Variants in SNX13 observed in about 807,000 individuals in gnomAD.
The protein encoded by SNX13 is sorting nexin 13.
SNX13 carries 45 observed loss-of-function variants against 133.6 expected under a neutral mutation model. That is an observed-to-expected ratio of 0.34 (90% CI 0.27 to 0.43). SNX13 has a LOEUF of 0.43. Ranked by LOEUF, SNX13 falls within the 20% of genes least tolerant of loss-of-function variation. SNX13 has a pLI of 1.00. For missense variants in SNX13, 1,032 were observed against 1,145.1 expected (o/e 0.90, Z 1.43); for synonymous variants, 414 against 373.9 (o/e 1.11, Z -1.24).
At chr7:17,882,897 G>C in intron 5 of SNX13, 2 of 1,234,712 alleles carry the variant, frequency 1.6e-6, no homozygotes, top group Non-Finnish European at 2.1e-6. Context: ...GTTGCAGTGA[G>C]CCGAGATTGC....
rs1783752748 is a variant in SNX13 at position 17,793,616 on chromosome 7, A to T, written c.*429T>A. The T allele has an allele frequency of 6.5e-6, 1 of 154,064 alleles. No individual in the cohort carries two copies. Among genetic ancestry groups the T allele is most frequent in the African/African-American group, 2.4e-5 (1 of 41,448 alleles). 9.5% of individuals were successfully genotyped at this position (154,064 alleles called of 1,614,324 possible). On this transcript the variant is annotated 3_prime_UTR_variant, in exon 26 of 26. Coordinates refer to ENST00000428135, the MANE Select transcript of SNX13 (RefSeq NM_015132.5). ...GACAGACCTACAAAATCATTATGCC[A>T]AACAAACTCCTCCAAGTCGTACATT...
chr7:17,933,152 T>C (rs902561976), intron 1 of SNX13, among the ~76,000 whole-genome samples: 7 of 152,220 alleles, frequency 4.6e-5, no homozygotes, highest in South Asian at 2.1e-4. Context: ...TGATTAAAAA[T>C]AAAAGATTTT....
At chr7:17,940,178 CG>C in intron 1 of SNX13, 105 bp downstream of exon 1, 4 of 1,464,174 alleles carry the variant, frequency 2.7e-6, no homozygotes, top group Non-Finnish European at 3.7e-6. Flanking sequence ...CTGGAGCCCA[CG>C]GCGAAGGGTC....
At chr7:17,845,872 A>T (rs1391785696) in intron 11 of SNX13, among the ~76,000 whole-genome samples, 178 bp from the exon 12 acceptor site, 1 of 152,166 alleles carries the variant, frequency 6.6e-6, no homozygotes, top group Admixed American at 6.5e-5. Context: ...CCTAGTTAAG[A>T]GTTGCTTAGC....
At chr7:17,798,909 GA>G in intron 23 of SNX13, 99 bp downstream of exon 23, 6 of 1,407,972 alleles carry the variant, frequency 4.3e-6, no homozygotes, top group Non-Finnish European at 5.8e-6. Flanking sequence ...AAGGCCCAGA[GA>G]AAAAAATTCT....
At chr7:17,872,333 T>C (rs1012976162) in intron 8 of SNX13, among the ~76,000 whole-genome samples, 1 of 152,186 alleles carries the variant, frequency 6.6e-6, no homozygotes, top group African/African-American at 2.4e-5. Context: ...AAGGAAAAGA[T>C]GGCAAGACAT....
At chr7:17,898,744 G>A (rs185970467) in intron 1 of SNX13, 37 of 152,214 alleles carry the variant, frequency 2.4e-4, no homozygotes, top group Non-Finnish European at 4.4e-4. Context: ...CAAATAAACA[G>A]AAATCCTGGA....
At chr7:17,862,037 T>C (rs1792770108) in intron 9 of SNX13, among the ~76,000 whole-genome samples, 2 of 152,184 alleles carry the variant, frequency 1.3e-5, no homozygotes, top group South Asian at 4.1e-4. Context: ...CCCCAACAGT[T>C]TGAAATATTT....
At chr7:17,939,046 T>G (rs772600220) in intron 1 of SNX13, among the ~76,000 whole-genome samples, 1 of 152,358 alleles carries the variant, frequency 6.6e-6, no homozygotes, top group East Asian at 1.9e-4. Context: ...GAAGTTACAA[T>G]CAACCAGTAA....
intron 12 of SNX13, among the ~76,000 whole-genome samples, chr7:17,841,250 C>A (rs1407781237): frequency 6.6e-6 from 1 of 152,018 alleles, no homozygotes; most frequent in East Asian, 1.9e-4. Context: ...CACCCTTTCT[C>A]CCTTGACTCC....
chr7:17,861,843 C>A (rs910354296), intron 9 of SNX13, among the ~76,000 whole-genome samples: 1 of 152,202 alleles, frequency 6.6e-6, no homozygotes, highest in African/African-American at 2.4e-5. Flanking sequence ...GAAGTGCCCA[C>A]TTGGGTCTCT....
At chr7:17,818,324 A>C (rs1244442574) in intron 18 of SNX13, among the ~76,000 whole-genome samples, 1 of 152,214 alleles carries the variant, frequency 6.6e-6, no homozygotes, top group Admixed American at 6.5e-5. Flanking sequence ...TTTATTTCAG[A>C]AACTTTAAAA....
Position 17,875,749 on chromosome 7 carries a change from A to G in SNX13, c.482T>C (p.Ile161Thr). The G allele has an allele frequency of 6.2e-7, 1 of 1,611,656 alleles. No homozygotes were observed. The highest frequency in any genetic ancestry group is 1.1e-5 in the South Asian group (1 of 90,670). The change falls in exon 6 of 26, where the codon ATT (isoleucine) becomes ACT (threonine). Residue 161 changes from isoleucine (I) to threonine (T), a missense_variant. Coordinates refer to ENST00000428135, the MANE Select transcript of SNX13 (RefSeq NM_015132.5). ...TAAGTGTGTGCCAAAGTCATCTACA[A>G]TGCGTGTAGTAAAATAAGGTTGCCA... is the stretch of plus-strand genomic sequence containing the variant. ...IDWQPYFTTR[I>T]VDDFGTHLRV...
chr7:17,815,354 C>T (rs375957592), intron 19 of SNX13, among the ~76,000 whole-genome samples: 6 of 152,146 alleles, frequency 3.9e-5, no homozygotes, highest in East Asian at 1.9e-4. Context: ...GAGATTGAGG[C>T]GGGAAAATTG....
In SNX13 at chr7:17,914,886, G is replaced by C. The variant is rs574158566; in HGVS notation, c.13-17440C>G. 1.4e-4 allele frequency among the ~76,000 whole-genome samples: 21 copies of C among 152,244 alleles called. No homozygotes were observed. The South Asian group carries it at 4.1e-3, about 30-fold the overall frequency. On this transcript the variant is annotated intron_variant, in intron 1 of 25. Coordinates refer to ENST00000428135, the MANE Select transcript of SNX13 (RefSeq NM_015132.5). ...AACCTCACATATCAGTATTACCCTT[G>C]AATGTAAATGGAATAAACACTCCAC...
At chr7:17,891,740 GTAAA>G (rs1051661505) in intron 3 of SNX13, 105 bp from the exon 4 acceptor site, 3 of 674,238 alleles carry the variant, frequency 4.4e-6, no homozygotes, top group Non-Finnish European at 7.4e-6. Context: ...TTATCCTCAA[GTAAA>G]TAAATAACCT....
chr7:17,803,659 GA>G, intron 20 of SNX13, 79 bp from the exon 21 acceptor site: 2 of 1,267,776 alleles, frequency 1.6e-6, no homozygotes, highest in Non-Finnish European at 2.2e-6. Flanking sequence ...GGAAAATATA[GA>G]GTGCAACACT....
intron 8 of SNX13, among the ~76,000 whole-genome samples, chr7:17,872,201 T>C (rs1794197578): frequency 6.6e-6 from 1 of 152,116 alleles, no homozygotes; most frequent in Admixed American, 6.6e-5. Flanking sequence ...ACTTAAGATC[T>C]TGAATAATCA....
intron 9 of SNX13, among the ~76,000 whole-genome samples, chr7:17,855,816 A>C (rs1434441630): frequency 6.6e-6 from 1 of 152,234 alleles, no homozygotes; most frequent in Non-Finnish European, 1.5e-5. Flanking sequence ...ATCAAGGAGT[A>C]ATTTCACCTC....
Sources: allele counts gnomAD v4.1 joint callset (sites outside exome capture counted in the v4.1 genomes callset), GRCh38; gene constraint gnomAD v4.1.1; transcripts MANE v1.5; gene names NCBI Gene and HGNC (gene_info 2026-07-23, HGNC 2026-07-21).